EBF1: variants seen among roughly 807,000 people sequenced by gnomAD.
EBF1 encodes the protein EBF transcription factor 1.
Under a neutral mutation model 68.4 loss-of-function variants are expected in EBF1, and 10 were observed. That is an observed-to-expected ratio of 0.15 (90% CI 0.09 to 0.25). EBF1 has a LOEUF of 0.25. Ranked by LOEUF, EBF1 falls within the 10% of genes least tolerant of loss-of-function variation. EBF1 has a pLI of 1.00. For missense variants in EBF1, 509 were observed against 794.4 expected (o/e 0.64, Z 4.32); for synonymous variants, 298 against 299.8 (o/e 0.99, Z 0.06).
intron 11 of EBF1, among the ~76,000 whole-genome samples, chr5:158,724,703 C>A (rs1262541110): frequency 6.6e-6 from 1 of 152,170 alleles, no homozygotes; most frequent in Non-Finnish European, 1.5e-5. Flanking sequence ...GTCTGAATTT[C>A]AATTTTGCAA....
chr5:158,807,178 G>A (rs1410020945), intron 8 of EBF1, among the ~76,000 whole-genome samples: 2 of 152,070 alleles, frequency 1.3e-5, no homozygotes, highest in Non-Finnish European at 1.5e-5. Context: ...CTACAATATA[G>A]GGGGTGCCCT....
chr5:158,950,855 G>A (rs1815807213), intron 6 of EBF1, among the ~76,000 whole-genome samples: 1 of 152,198 alleles, frequency 6.6e-6, no homozygotes, highest in African/African-American at 2.4e-5. Context: ...CTTCCAGGCA[G>A]GTGAGGTATT....
At chr5:158,833,604 G>C (rs571997319) in intron 7 of EBF1, among the ~76,000 whole-genome samples, 4 of 152,282 alleles carry the variant, frequency 2.6e-5, no homozygotes, top group Non-Finnish European at 5.9e-5. Context: ...AAAGCACATG[G>C]CACCCTTCAT....
intron 6 of EBF1, among the ~76,000 whole-genome samples, chr5:158,974,477 G>A (rs1367024498): frequency 6.6e-6 from 1 of 151,908 alleles, no homozygotes; most frequent in Non-Finnish European, 1.5e-5. Flanking sequence ...CAAGTTTATT[G>A]GTGAGAAAAA....
At chr5:158,712,906 G>T in intron 13 of EBF1, 64 bp downstream of exon 13, 2 of 1,368,816 alleles carry the variant, frequency 1.5e-6, no homozygotes, top group South Asian at 4.2e-5. Context: ...AATTGTTCAT[G>T]ACCAATAAAT....
chr5:158,802,970 T>G (rs1256930416), intron 8 of EBF1, among the ~76,000 whole-genome samples: 2 of 152,174 alleles, frequency 1.3e-5, no homozygotes, highest in African/African-American at 4.8e-5. Flanking sequence ...CCAGTTCAGC[T>G]GCTTGCTAAC....
intron 6 of EBF1, among the ~76,000 whole-genome samples, chr5:158,843,053 G>C (rs564812020): frequency 1.3e-5 from 2 of 152,104 alleles, no homozygotes; most frequent in African/African-American, 2.4e-5. Context: ...AAGATTAATC[G>C]AACTACTAAG....
chr5:159,051,595 C>T (rs542821237), intron 6 of EBF1, among the ~76,000 whole-genome samples: 25 of 151,836 alleles, frequency 1.6e-4, no homozygotes, highest in Admixed American at 1.6e-3. Flanking sequence ...CGGCCCGGCT[C>T]GGTGCTCCGC....
At chr5:158,925,192 C>T (rs1158788395) in intron 6 of EBF1, among the ~76,000 whole-genome samples, 5 of 152,172 alleles carry the variant, frequency 3.3e-5, no homozygotes, top group Non-Finnish European at 5.9e-5. Flanking sequence ...TAAAGTAATC[C>T]CTATCGGTGG....
rs537935714 is a variant in EBF1, at chr5:159,062,334, G to C, written c.554+11062C>G. Among the ~76,000 whole-genome samples, 3 of 152,278 alleles carry C rather than the reference G, an allele frequency of 2.0e-5. No homozygotes were observed. In the South Asian group the frequency reaches 6.2e-4, roughly 32 times the overall value. Reference sequence around the variant, plus strand: ...CAGGCCAGGCGCCTGATTGGATTTTGTGTCCTAAGGACAGAAGGCAAGCTC... The same window carrying C: ...CAGGCCAGGCGCCTGATTGGATTTTCTGTCCTAAGGACAGAAGGCAAGCTC... On this transcript the variant is annotated intron_variant, in intron 6 of 15. Transcript: ENST00000313708.
At chr5:159,017,165 T>C (rs1228738828) in intron 6 of EBF1, among the ~76,000 whole-genome samples, 1 of 152,248 alleles carries the variant, frequency 6.6e-6, no homozygotes. Context: ...TTATATCTAA[T>C]GCGTATCTCA....
intron 6 of EBF1, among the ~76,000 whole-genome samples, chr5:158,876,801 G>T (rs1379562420): frequency 6.6e-6 from 1 of 152,206 alleles, no homozygotes; most frequent in Non-Finnish European, 1.5e-5. Context: ...CCTTTCGATT[G>T]TATTAATACA....
At chr5:158,856,449 C>T (rs1311949877) in intron 6 of EBF1, among the ~76,000 whole-genome samples, 1 of 152,100 alleles carries the variant, frequency 6.6e-6, no homozygotes, top group Admixed American at 6.6e-5. Flanking sequence ...AGCAAGTTTG[C>T]CTGCACACTC....
chr5:158,862,813 A>G (rs1446349682), intron 6 of EBF1, among the ~76,000 whole-genome samples: 1 of 152,240 alleles, frequency 6.6e-6, no homozygotes, highest in East Asian at 1.9e-4. Flanking sequence ...AGTGACCTAC[A>G]ATATGATTAT....
intron 11 of EBF1, among the ~76,000 whole-genome samples, chr5:158,729,271 T>C (rs1281552259): frequency 1.3e-5 from 2 of 152,250 alleles, no homozygotes; most frequent in Admixed American, 1.3e-4. Flanking sequence ...GGCCAATGTC[T>C]GAATTCCACT....
intron 15 of EBF1, among the ~76,000 whole-genome samples, chr5:158,704,026 G>A (rs1459174860): frequency 6.6e-6 from 1 of 152,180 alleles, no homozygotes; most frequent in African/African-American, 2.4e-5. Flanking sequence ...ATGTAATATA[G>A]CATAGGGGCT....
intron 3 of EBF1, 144 bp from the exon 4 acceptor site, chr5:159,095,819 C>T: frequency 1.2e-6 from 1 of 824,240 alleles, no homozygotes; most frequent in Non-Finnish European, 1.9e-6. Context: ...TTGGAACTCC[C>T]ACTGTCCTGG....
intron 6 of EBF1, among the ~76,000 whole-genome samples, chr5:159,045,339 T>TA (rs1772131294): frequency 6.6e-6 from 1 of 152,070 alleles, no homozygotes; most frequent in South Asian, 2.1e-4. Context: ...GAAGAGAAGT[T>TA]ATACACAGTT....
At chr5:159,091,078 C>T (rs1286673395) in intron 4 of EBF1, among the ~76,000 whole-genome samples, 1 of 152,182 alleles carries the variant, frequency 6.6e-6, no homozygotes, top group East Asian at 1.9e-4. Flanking sequence ...CAATATAAGA[C>T]AGAGAGAACA....
Sources: allele counts gnomAD v4.1 joint callset (sites outside exome capture counted in the v4.1 genomes callset), GRCh38; gene constraint gnomAD v4.1.1; transcripts MANE v1.5; gene names NCBI Gene and HGNC (gene_info 2026-07-23, HGNC 2026-07-21).